SIPA1L3: variants seen among roughly 807,000 people sequenced by gnomAD.
The protein encoded by SIPA1L3 is signal induced proliferation associated 1 like 3, also known as signal-induced proliferation-associated 1-like protein 3.
In SIPA1L3, 59 loss-of-function variants were observed where a neutral mutation model predicts 150.1. The ratio of observed to expected loss-of-function variants is 0.39; its 90% confidence interval spans 0.32 to 0.49. The LOEUF is 0.49. SIPA1L3 is among the 20% of genes least tolerant of loss of function. SIPA1L3 has a pLI of 0.86. For missense variants in SIPA1L3, 2,211 were observed against 2,489.5 expected (o/e 0.89, Z 2.38); for synonymous variants, 1,070 against 1,077.6 (o/e 0.99, Z 0.14).
chr19:38,028,008 A>G (rs993285749), intron 1 of SIPA1L3, among the ~76,000 whole-genome samples: 1 of 152,048 alleles, frequency 6.6e-6, no homozygotes, highest in Non-Finnish European at 1.5e-5. Flanking sequence ...AGGGATTGTT[A>G]TTAGTGAATG....
intron 3 of SIPA1L3, 111 bp from the exon 4 acceptor site, chr19:38,088,610 C>T (rs890848017): frequency 2.9e-6 from 4 of 1,360,942 alleles, no homozygotes; most frequent in Non-Finnish European, 4.0e-6. Context: ...GACCAGCATC[C>T]CACAGATTGC....
chr19:38,063,139 C>T (rs1191078601), intron 2 of SIPA1L3, among the ~76,000 whole-genome samples: 1 of 152,210 alleles, frequency 6.6e-6, no homozygotes, highest in Non-Finnish European at 1.5e-5. Context: ...TCCCCGACAG[C>T]CCTGGGTCAG....
chr19:37,955,405 AAG>A (rs2046801824), intron 1 of SIPA1L3, among the ~76,000 whole-genome samples: 1 of 151,856 alleles, frequency 6.6e-6, no homozygotes, highest in Non-Finnish European at 1.5e-5. Context: ...AAAAAAAAAA[AAG>A]AGTATGCAAT....
chr19:37,945,528 C>T (rs995796217), intron 1 of SIPA1L3, among the ~76,000 whole-genome samples: 3 of 152,022 alleles, frequency 2.0e-5, no homozygotes, highest in East Asian at 1.9e-4. Context: ...TGAGCCACCG[C>T]GCCCAGCCAG....
At chr19:37,957,433 T>A (rs1187403903) in intron 1 of SIPA1L3, among the ~76,000 whole-genome samples, 1 of 152,234 alleles carries the variant, frequency 6.6e-6, no homozygotes, top group Non-Finnish European at 1.5e-5. Context: ...TTATTTAGAT[T>A]GTCTTTAATT....
At chr19:37,989,372 A>G (rs1467891828) in intron 1 of SIPA1L3, among the ~76,000 whole-genome samples, 2 of 152,270 alleles carry the variant, frequency 1.3e-5, no homozygotes, top group East Asian at 3.9e-4. Flanking sequence ...GGTGTGCGCC[A>G]TCACTCCTGG....
chr19:38,037,020 GT>G (rs1484013575), intron 2 of SIPA1L3, among the ~76,000 whole-genome samples: 44 of 152,360 alleles, frequency 2.9e-4, no homozygotes, highest in African/African-American at 9.6e-4. Flanking sequence ...TCAGTGAGCA[GT>G]AACTCTCATA....
intron 1 of SIPA1L3, among the ~76,000 whole-genome samples, chr19:37,922,112 T>C (rs1019312606): frequency 6.6e-6 from 1 of 151,912 alleles, no homozygotes. Context: ...TGAGATTGAG[T>C]TTCGCTGTTT....
intron 1 of SIPA1L3, among the ~76,000 whole-genome samples, chr19:37,983,774 C>T (rs1387926846): frequency 6.6e-6 from 1 of 151,862 alleles, no homozygotes; most frequent in African/African-American, 2.4e-5. Flanking sequence ...GGCGTGGTGG[C>T]ATGCATCTGA....
At chr19:38,137,868 T>C (rs1262357379) in intron 10 of SIPA1L3, among the ~76,000 whole-genome samples, 1 of 151,916 alleles carries the variant, frequency 6.6e-6, no homozygotes, top group East Asian at 1.9e-4. Flanking sequence ...TGGTGGCTCA[T>C]GTCTGTAATC....
chr19:38,170,363 C>T (rs754508845), intron 15 of SIPA1L3, among the ~76,000 whole-genome samples: 60 of 152,210 alleles, frequency 3.9e-4, no homozygotes, highest in Admixed American at 2.0e-4. Context: ...CCTCCCATGG[C>T]GGCCACACTG....
At chr19:38,016,218 T>G (rs1320362456) in intron 1 of SIPA1L3, among the ~76,000 whole-genome samples, 1 of 152,228 alleles carries the variant, frequency 6.6e-6, no homozygotes, top group African/African-American at 2.4e-5. Context: ...TTGCATGAAG[T>G]AACAAATACT....
At chr19:38,039,087 T>C (rs1295287462) in intron 2 of SIPA1L3, among the ~76,000 whole-genome samples, 1 of 152,194 alleles carries the variant, frequency 6.6e-6, no homozygotes, top group Non-Finnish European at 1.5e-5. Context: ...TTCACCATGT[T>C]GCCCAGGGTG....
At chr19:38,010,243 A>G (rs560438597) in intron 1 of SIPA1L3, among the ~76,000 whole-genome samples, 8 of 152,156 alleles carry the variant, frequency 5.3e-5, no homozygotes, top group African/African-American at 1.9e-4. Flanking sequence ...TCTACTGAAC[A>G]TAAAAATTTT....
intron 4 of SIPA1L3, among the ~76,000 whole-genome samples, chr19:38,092,622 G>C (rs1384970342): frequency 6.6e-6 from 1 of 152,166 alleles, no homozygotes; most frequent in Non-Finnish European, 1.5e-5. Flanking sequence ...CCACAGGCCT[G>C]GGATCCATCC....
chr19:38,025,684 T>C (rs1011142967), intron 1 of SIPA1L3, among the ~76,000 whole-genome samples: 17 of 152,194 alleles, frequency 1.1e-4, no homozygotes, highest in Admixed American at 3.3e-4. Flanking sequence ...AAAAGGCGGC[T>C]ATTAAAATTT....
At position 37,941,087 on chromosome 19, in the gene SIPA1L3, T is replaced by TACACACACACACACACAC. The variant is rs59368800; in HGVS notation, c.-379+33748_-379+33765dup. Among the ~76,000 whole-genome samples, 10 of 128,646 alleles carry TACACACACACACACACAC rather than the reference T, an allele frequency of 7.8e-5. No homozygotes were observed. The East Asian group carries it at 9.7e-4, about 12-fold the overall frequency. The allele number at this position is 128,646 out of a possible 152,430, so 84.4% of individuals were successfully genotyped here. ...TTTGAGATGTACACACACACACACATACACACACACACACACACACACACA... is the reference window on the plus strand; with the variant it reads ...TTTGAGATGTACACACACACACACATACACACACACACACACACACACACACACACACACACACACACA... On this transcript the variant is annotated intron_variant, in intron 1 of 21. Coordinates refer to ENST00000222345, the MANE Select transcript of SIPA1L3 (RefSeq NM_015073.3).
chr19:37,975,487 C>G (rs1397199913), intron 1 of SIPA1L3, among the ~76,000 whole-genome samples: 3 of 152,128 alleles, frequency 2.0e-5, no homozygotes, highest in African/African-American at 7.2e-5. Flanking sequence ...CACAGTGTGT[C>G]CAGGCTCAGG....
chr19:38,198,163 C>T (rs1023007854), intron 18 of SIPA1L3, among the ~76,000 whole-genome samples: 1 of 152,210 alleles, frequency 6.6e-6, no homozygotes, highest in Non-Finnish European at 1.5e-5. Context: ...TGGTGCACTC[C>T]CTCCTCCCCT....
Sources: gnomAD v4.1 joint callset for allele counts (sites outside exome capture counted in the v4.1 genomes callset) on GRCh38, gnomAD v4.1.1 for gene constraint, MANE v1.5 for transcripts, NCBI Gene and HGNC (gene_info 2026-07-23, HGNC 2026-07-21) for gene names.